The following CNOT7 variants were observed in gnomAD, a reference collection of about 807,000 sequenced individuals.
The protein encoded by CNOT7 is BTG1-binding factor 1.
In CNOT7, 4 loss-of-function variants were observed where a neutral mutation model predicts 37.1. The observed-to-expected ratio is 0.11, with a 90% CI of 0.05 to 0.25. The LOEUF is 0.25. Among genes scored for constraint, CNOT7 ranks in the 10% least tolerant of loss-of-function variants. CNOT7 has a pLI of 1.00. For synonymous variants in CNOT7, 128 were observed against 115.6 expected (o/e 1.11, Z -0.69); for missense variants, 170 against 336.2 (o/e 0.51, Z 3.87).
At chr8:17,231,505 A>G in intron 6 of CNOT7, 2 of 984,456 alleles carry the variant, frequency 2.0e-6, no homozygotes, top group Non-Finnish European at 2.4e-6. Context: ...TTCTGAATCA[A>G]CAACACTACT....
At chr8:17,232,279 C>T (rs77250415) in intron 6 of CNOT7, 148 bp downstream of exon 6, 155,138 of 1,494,070 alleles carry the variant, frequency 0.1, 8,974 homozygotes, top group South Asian at 0.2. Context: ...TTTTTGAATA[C>T]TTTTAAGTGT....
rs899055951 is a variant in CNOT7 at position 17,227,092 on chromosome 8, C to A, written c.*3628G>T. 6.6e-6 allele frequency: 1 copy of A among 151,490 alleles called. No homozygotes were observed. Among genetic ancestry groups the A allele is most frequent in the Non-Finnish European group, 1.5e-5 (1 of 67,732 alleles). The allele number at this position is 151,490 out of a possible 1,614,324, so 9.4% of individuals were successfully genotyped here. ...AGTTAACTGTTGACCAGTTCAGTAACACCAATATTTCCTGTGAAGTACCTG... is the reference window on the plus strand; with the variant it reads ...AGTTAACTGTTGACCAGTTCAGTAAAACCAATATTTCCTGTGAAGTACCTG... On this transcript the variant is annotated 3_prime_UTR_variant, in exon 7 of 7. Transcript: ENST00000361272.
chr8:17,237,696 C>T (rs1809565034), intron 3 of CNOT7: 2 of 204,090 alleles, frequency 9.8e-6, no homozygotes, highest in South Asian at 9.8e-5. Context: ...CAGGGGCTAC[C>T]GTCGCAAAGT....
chr8:17,246,387 G>C (rs975544013), intron 1 of CNOT7: 4 of 152,664 alleles, frequency 2.6e-5, no homozygotes, highest in African/African-American at 7.2e-5. Flanking sequence ...ACTGCCGCGT[G>C]AAACAATACG....
At position 17,243,204 on chromosome 8, in the gene CNOT7, A is replaced by G; in HGVS notation, c.118-19T>C. The G allele has an allele frequency of 6.4e-7, 1 of 1,569,506 alleles. No homozygotes were observed. The highest frequency in any genetic ancestry group is 8.6e-7 in the Non-Finnish European group (1 of 1,162,794). On this transcript the variant is annotated intron_variant, in intron 2 of 6. Transcript: ENST00000361272. Reference sequence around the variant, plus strand: ...CGGTGTCCTGTAAAATAGTTTTAAGATTCATTATGTACTAAACAGTCAAAA... The same window carrying G: ...CGGTGTCCTGTAAAATAGTTTTAAGGTTCATTATGTACTAAACAGTCAAAA...
Position 17,243,203 on chromosome 8 carries a change from G to C in CNOT7, c.118-18C>G. On this transcript the variant is annotated intron_variant, in intron 2 of 6. Coordinates refer to ENST00000361272, the MANE Select transcript of CNOT7 (RefSeq NM_013354.7). ...TCGGTGTCCTGTAAAATAGTTTTAA[G>C]ATTCATTATGTACTAAACAGTCAAA... The C allele has an allele frequency of 1.3e-6, 2 of 1,568,508 alleles. No homozygotes were observed.
In CNOT7 at chr8:17,245,199, C is replaced by G. The variant is rs924371829; in HGVS notation, c.-47G>C. The G allele has an allele frequency of 3.2e-6, 5 of 1,542,322 alleles. No individual in the cohort carries two copies. The highest frequency in any genetic ancestry group is 4.4e-6 in the Non-Finnish European group (5 of 1,146,504). ...AGATGCCAAGCATCAAAATGTTATA[C>G]TTGATTGAAGATTTGTTTCATAAAA... is the stretch of plus-strand genomic sequence containing the variant. On this transcript the variant is annotated 5_prime_UTR_variant, in exon 2 of 7. Transcript: ENST00000361272.
chr8:17,236,816 G>A (rs1039608359), intron 4 of CNOT7, among the ~76,000 whole-genome samples: 2 of 152,154 alleles, frequency 1.3e-5, no homozygotes, highest in Non-Finnish European at 2.9e-5. Flanking sequence ...CTCAGTGCCT[G>A]CCATATGGTA....
At chr8:17,241,919 ATAAT>A (rs1322941738) in intron 3 of CNOT7, 1 of 152,240 alleles carries the variant, frequency 6.6e-6, no homozygotes, top group Non-Finnish European at 1.5e-5. Flanking sequence ...TAAAAACAAG[ATAAT>A]TATTTGCTCC....
intron 3 of CNOT7, 105 bp downstream of exon 3, chr8:17,242,884 TAAC>T (rs1475685995): frequency 1.5e-6 from 1 of 657,420 alleles, no homozygotes; most frequent in Non-Finnish European, 2.5e-6. Context: ...ATTTCCAGGA[TAAC>T]TACACCAAAT....
At chr8:17,232,196 T>C in intron 6 of CNOT7, 27 of 1,331,936 alleles carry the variant, frequency 2.0e-5, no homozygotes, top group Non-Finnish European at 2.6e-5. Context: ...AGGTAGTTTA[T>C]GTTTTAAAAT....
rs367872876 is a variant in CNOT7 at position 17,243,121 on chromosome 8, T to C, written c.182A>G (p.Gln61Arg). ...IGEFRSNADY[Q>R]YQLLRCNVDL... ...TACATTACACCGCAATAGTTGGTAT[T>C]GATAGTCAGCATTGCTCCTGAATTC... The change falls in exon 3 of 7, where the codon CAA becomes CGA. Residue 61 changes from glutamine to arginine, a missense_variant. This residue lies in a region of CNOT7 where 18 missense variants were observed against 57.0 expected (regional missense o/e 0.32). Transcript: ENST00000361272. The C allele has an allele frequency of 1.2e-6, 2 of 1,610,564 alleles. No individual in the cohort carries two copies. The highest frequency in any genetic ancestry group is 2.7e-5 in the African/African-American group (2 of 74,936).
rs1309699038 is a variant in CNOT7 at position 17,224,986 on chromosome 8, A to T, written c.*5734T>A. 1 of 151,784 alleles carries T rather than the reference A, an allele frequency of 6.6e-6. No individual in the cohort carries two copies. Among genetic ancestry groups the T allele is most frequent in the Admixed American group, 6.6e-5 (1 of 15,216 alleles). 9.4% of individuals were successfully genotyped at this position (151,784 alleles called of 1,614,324 possible). A position where few individuals can be genotyped will look rare whatever the true frequency, so the allele number is the denominator to read the frequency against. Reference sequence around the variant, plus strand: ...ACATATAGCTCAAGAACAAGTTTTTATTATGCATGGGTTTCGCAGTGATAC... The same window carrying T: ...ACATATAGCTCAAGAACAAGTTTTTTTTATGCATGGGTTTCGCAGTGATAC... On this transcript the variant is annotated 3_prime_UTR_variant, in exon 7 of 7. Coordinates refer to ENST00000361272, the MANE Select transcript of CNOT7 (RefSeq NM_013354.7).
chr8:17,232,039 T>C (rs745781905), intron 6 of CNOT7: 1 of 1,040,604 alleles, frequency 9.6e-7, no homozygotes. Context: ...AAACCTAATA[T>C]AAAGATTCCT....
chr8:17,233,558 G>C (rs1808919645), intron 5 of CNOT7, among the ~76,000 whole-genome samples: 1 of 152,006 alleles, frequency 6.6e-6, no homozygotes, highest in African/African-American at 2.4e-5. Flanking sequence ...CAATAATTTG[G>C]TTCCCTGTTC....
In CNOT7 at chr8:17,246,693, GCTC is replaced by G. The variant is rs1400270816; in HGVS notation, c.-117_-115del. ...GATCTACTTGTGTCGCTGAGCTCGC[GCTC>G]CTCCTCCTCCTCCTCGCCATAGAGA... is the stretch of plus-strand genomic sequence containing the variant. On this transcript the variant is annotated 5_prime_UTR_variant, in exon 1 of 7. Coordinates refer to ENST00000361272, the MANE Select transcript of CNOT7 (RefSeq NM_013354.7). 5.3e-3 allele frequency: 890 copies of G among 169,014 alleles called. No individual in the cohort carries two copies. The highest frequency in any genetic ancestry group is 0.02 in the South Asian group (181 of 8,902). The allele number at this position is 169,014 out of a possible 1,614,324, so 10.5% of individuals were successfully genotyped here.
Position 17,245,131 on chromosome 8 carries a change from G to A in CNOT7, c.22C>T (p.His8Tyr). 1 of 1,613,328 alleles carries A rather than the reference G, an allele frequency of 6.2e-7. No homozygotes were observed. Among genetic ancestry groups the A allele is most frequent in the Non-Finnish European group, 8.5e-7 (1 of 1,179,678 alleles). The change falls in exon 2 of 7, where the codon CAT becomes TAT. Residue 8 changes from histidine to tyrosine, a missense_variant. His to Tyr is a moderately conservative substitution (Grantham distance 83). Coordinates refer to ENST00000361272, the MANE Select transcript of CNOT7 (RefSeq NM_013354.7). MPAATVDHSQRICEVWAC... is the reference protein window; with the variant it reads MPAATVDYSQRICEVWAC... Reference sequence around the variant, plus strand: ...CAAACTTCACAAATTCTTTGGCTATGATCTACAGTTGCCGCTGGCATAGTG... The same window carrying A: ...CAAACTTCACAAATTCTTTGGCTATAATCTACAGTTGCCGCTGGCATAGTG...
At chr8:17,232,599 T>C in intron 5 of CNOT7, 62 bp from the exon 6 acceptor site, 1 of 1,440,046 alleles carries the variant, frequency 6.9e-7, no homozygotes, top group Non-Finnish European at 9.6e-7. Context: ...AATTCACAAA[T>C]TATAAACTTA....
chr8:17,245,624 T>G (rs1365545300), intron 1 of CNOT7, among the ~76,000 whole-genome samples: 1 of 152,216 alleles, frequency 6.6e-6, no homozygotes. Flanking sequence ...GATGTTACCA[T>G]GGCAAAGATG....
Sources: gnomAD v4.1 joint callset for allele counts (sites outside exome capture counted in the v4.1 genomes callset) on GRCh38, gnomAD v4.1.1 for gene constraint, gnomAD v4.1.1 regional missense constraint, MANE v1.5 for transcripts, NCBI Gene and HGNC (gene_info 2026-07-23, HGNC 2026-07-21) for gene names.